The following HIVEP1 variants were observed in gnomAD, a reference collection of about 807,000 sequenced individuals.
HIVEP1 encodes the protein HIVEP zinc finger 1.
A neutral mutation model predicts 180.0 loss-of-function variants in HIVEP1; 36 were observed. The observed-to-expected ratio is 0.20, with a 90% CI of 0.15 to 0.26. The LOEUF is 0.26. Ranked by LOEUF, HIVEP1 falls within the 10% of genes least tolerant of loss-of-function variation. The pLI, the probability that HIVEP1 is intolerant of heterozygous loss-of-function variation, is 1.00. For missense variants in HIVEP1, 3,143 were observed against 3,268.7 expected (o/e 0.96, Z 0.94); for synonymous variants, 1,239 against 1,239.0 (o/e 1.00, Z 0.00).
intron 7 of HIVEP1, among the ~76,000 whole-genome samples, chr6:12,158,047 A>G (rs1038900056): frequency 1.3e-5 from 2 of 152,290 alleles, no homozygotes; most frequent in East Asian, 1.9e-4. Flanking sequence ...CAAAATATGA[A>G]CCATAGTTAT....
At chr6:12,071,950 T>C (rs950789137) in intron 2 of HIVEP1, among the ~76,000 whole-genome samples, 4 of 152,366 alleles carry the variant, frequency 2.6e-5, no homozygotes, top group Admixed American at 6.5e-5. Context: ...GAAAAAGATA[T>C]AGTCTTACAT....
chr6:12,114,470 A>G (rs1775098205), intron 3 of HIVEP1, among the ~76,000 whole-genome samples: 1 of 152,112 alleles, frequency 6.6e-6, no homozygotes, highest in Admixed American at 6.5e-5. Context: ...CCCTAAGTGT[A>G]GGGATTACCC....
the HIVEP1 span, among the ~76,000 whole-genome samples, chr6:12,170,772 G>T: frequency 6.6e-6 from 1 of 152,168 alleles, no homozygotes; most frequent in African/African-American, 2.4e-5. Context: ...AAGGAGCACG[G>T]GCTGTGGACT....
At chr6:12,194,391 C>T in the HIVEP1 span, among the ~76,000 whole-genome samples, 5 of 151,876 alleles carry the variant, frequency 3.3e-5, no homozygotes, top group African/African-American at 1.2e-4. Context: ...GAGAATCTAC[C>T]ACATAACTAA....
intron 1 of HIVEP1, among the ~76,000 whole-genome samples, chr6:12,013,502 G>A (rs1767529819): frequency 6.6e-6 from 1 of 152,196 alleles, no homozygotes; most frequent in African/African-American, 2.4e-5. Flanking sequence ...AATGAACGGG[G>A]TAGCAGAAAG....
rs1280354488 is a variant in HIVEP1 at position 12,063,702 on chromosome 6, T to C, written c.41-25482T>C. Among the ~76,000 whole-genome samples, 2 of 152,128 alleles carry C rather than the reference T, an allele frequency of 1.3e-5. No individual in the cohort carries two copies. The highest frequency in any genetic ancestry group is 6.6e-5 in the Admixed American group (1 of 15,264). ...TTGGGGATTGCCAGAGTATTACACATTTGACAGCACTTAATAAAGAACAGT... is the reference window on the plus strand; with the variant it reads ...TTGGGGATTGCCAGAGTATTACACACTTGACAGCACTTAATAAAGAACAGT... On this transcript the variant is annotated intron_variant, in intron 2 of 8. Coordinates refer to ENST00000379388, the MANE Select transcript of HIVEP1 (RefSeq NM_002114.4). The surrounding 1 kb of genome is among the most constrained non-coding windows in gnomAD (Gnocchi z 4.2).
intron 3 of HIVEP1, among the ~76,000 whole-genome samples, chr6:12,095,232 ATCCTT>A (rs1381749532): frequency 6.6e-6 from 1 of 151,492 alleles, no homozygotes; most frequent in Non-Finnish European, 1.5e-5. Flanking sequence ...TTCTTGCCTC[ATCCTT>A]TTTAGTTTCA....
At chr6:12,022,302 C>CT (rs1768285337) in intron 2 of HIVEP1, among the ~76,000 whole-genome samples, 1 of 152,080 alleles carries the variant, frequency 6.6e-6, no homozygotes, top group African/African-American at 2.4e-5. Flanking sequence ...TCCTGAGTAG[C>CT]TGGGACTACA....
Position 12,012,447 on chromosome 6 carries a change from GCGC to G in HIVEP1, c.-207_-205del, listed in dbSNP as rs900127116. The G allele has an allele frequency of 8.1e-5, 12 of 148,796 alleles. No individual in the cohort carries two copies. Among genetic ancestry groups the G allele is most frequent in the East Asian group, 2.0e-4 (1 of 5,086 alleles). 9.2% of individuals were successfully genotyped at this position (148,796 alleles called of 1,614,324 possible). A position where few individuals can be genotyped will look rare whatever the true frequency, so the allele number is the denominator to read the frequency against. Reference sequence around the variant, plus strand: ...TTGTCAAGTGAAGGAGGGATCCCAGGCGCCGCCGCCGCCGCCGCGCGGGGGTCG... The same window carrying G: ...TTGTCAAGTGAAGGAGGGATCCCAGGCGCCGCCGCCGCCGCGCGGGGGTCG... On this transcript the variant is annotated 5_prime_UTR_variant, in exon 1 of 9. Transcript: ENST00000379388.
At chr6:12,031,411 C>T (rs572383599) in intron 2 of HIVEP1, among the ~76,000 whole-genome samples, 1 of 152,200 alleles carries the variant, frequency 6.6e-6, no homozygotes, top group Non-Finnish European at 1.5e-5. Flanking sequence ...CCTACCAGAA[C>T]TCCCTAGTAA....
chr6:12,031,090 G>C (rs112286680), intron 2 of HIVEP1, among the ~76,000 whole-genome samples: 3 of 152,158 alleles, frequency 2.0e-5, no homozygotes, highest in Non-Finnish European at 2.9e-5. Flanking sequence ...GTTACCCTGT[G>C]TAGTTTTGTT....
intron 2 of HIVEP1, among the ~76,000 whole-genome samples, chr6:12,052,939 C>G (rs568097102): frequency 6.6e-6 from 1 of 152,260 alleles, no homozygotes; most frequent in South Asian, 2.1e-4. Context: ...GTAGCAAATG[C>G]TCAGAAAGTA....
chr6:12,122,891 G>A lies in HIVEP1; in HGVS notation c.3096G>A (p.Arg1032=). 1 of 1,614,142 alleles carries A rather than the reference G, an allele frequency of 6.2e-7. No homozygotes were observed. The highest frequency in any genetic ancestry group is 8.5e-7 in the Non-Finnish European group (1 of 1,180,020). The change falls in exon 4 of 9, where the codon AGG becomes AGA. Residue 1032 remains arginine, a synonymous_variant. Coordinates refer to ENST00000379388, the MANE Select transcript of HIVEP1 (RefSeq NM_002114.4). ...WEQTPQIRKR[R]KMKSVGDDEE... ...AGACGCCCCAGATAAGAAAAAGGAGGAAAATGAAAAGTGTTGGGGATGATG... is the reference window on the plus strand; with the variant it reads ...AGACGCCCCAGATAAGAAAAAGGAGAAAAATGAAAAGTGTTGGGGATGATG...
In HIVEP1 at chr6:12,164,585, C is replaced by A; in HGVS notation, c.*124C>A. On this transcript the variant is annotated 3_prime_UTR_variant, in exon 9 of 9. Transcript: ENST00000379388. ...TGACTAATCTTTGTGCAATCATGAACTTTTGACCAATAATTGTTGTTTTGT... is the reference window on the plus strand; with the variant it reads ...TGACTAATCTTTGTGCAATCATGAAATTTTGACCAATAATTGTTGTTTTGT... 1.3e-6 allele frequency: 1 copy of A among 762,394 alleles called. No individual in the cohort carries two copies. Among genetic ancestry groups the A allele is most frequent in the Non-Finnish European group, 2.0e-6 (1 of 490,216 alleles). The allele number at this position is 762,394 out of a possible 1,614,324, so 47.2% of individuals were successfully genotyped here.
At chr6:12,138,898 C>G (rs1561991374) in intron 7 of HIVEP1, among the ~76,000 whole-genome samples, 1 of 151,856 alleles carries the variant, frequency 6.6e-6, no homozygotes, top group Non-Finnish European at 1.5e-5. Context: ...GCCCATCTTT[C>G]TCACGTGTTG....
At chr6:12,080,903 A>C (rs566132716) in intron 2 of HIVEP1, among the ~76,000 whole-genome samples, 1 of 152,244 alleles carries the variant, frequency 6.6e-6, no homozygotes, top group African/African-American at 2.4e-5. Context: ...TACTTTGTCC[A>C]TAACCACTCT....
chr6:12,159,191 CGT>C lies in HIVEP1; in HGVS notation c.6488-2232_6488-2231del, dbSNP rs571300949. On this transcript the variant is annotated intron_variant, in intron 7 of 8. Coordinates refer to ENST00000379388, the MANE Select transcript of HIVEP1 (RefSeq NM_002114.4). ...TTAATAAGTTTAAAGTTAGGCTGTA[CGT>C]GTGTGTGTGTGTGTGCGCGCGCGCG... is the stretch of plus-strand genomic sequence containing the variant. 2.1e-3 allele frequency among the ~76,000 whole-genome samples: 313 copies of C among 151,060 alleles called. 1 individual carries two copies. Among genetic ancestry groups the C allele is most frequent in the African/African-American group, 5.2e-3 (214 of 41,160 alleles).
At chr6:12,195,555 T>G in the HIVEP1 span, among the ~76,000 whole-genome samples, 1 of 152,178 alleles carries the variant, frequency 6.6e-6, no homozygotes, top group Non-Finnish European at 1.5e-5. Context: ...AATAACACAA[T>G]TAACTGGTCC....
At chr6:12,198,866 T>C in the HIVEP1 span, among the ~76,000 whole-genome samples, 1 of 152,238 alleles carries the variant, frequency 6.6e-6, no homozygotes, top group Non-Finnish European at 1.5e-5. Flanking sequence ...TCTAGAATAC[T>C]GTTTGACCAA....
Sources: gnomAD v4.1 joint callset for allele counts (sites outside exome capture counted in the v4.1 genomes callset) on GRCh38, gnomAD v4.1.1 for gene constraint, Gnocchi (gnomAD v3.1) non-coding constraint, MANE v1.5 for transcripts, NCBI Gene and HGNC (gene_info 2026-07-23, HGNC 2026-07-21) for gene names.